NEDD4: variants seen among roughly 807,000 people sequenced by gnomAD.
The protein encoded by NEDD4 is NEDD4 E3 ubiquitin protein ligase, also known as E3 ubiquitin-protein ligase NEDD4.
In NEDD4, 99 loss-of-function variants were observed where a neutral mutation model predicts 144.9. That is an observed-to-expected ratio of 0.68 (90% CI 0.58 to 0.81). The LOEUF is 0.81. Among genes scored for constraint, NEDD4 ranks in the 30% least tolerant of loss-of-function variants. NEDD4 has a pLI of 0.00. For synonymous variants in NEDD4, 318 were observed against 350.6 expected (o/e 0.91, Z 1.04); for missense variants, 985 against 1,065.9 (o/e 0.92, Z 1.06).
chr15:55,830,071 T>C (rs2032873908), intron 28 of NEDD4, 72 bp from the exon 29 acceptor site: 1 of 1,027,944 alleles, frequency 9.7e-7, no homozygotes, highest in Non-Finnish European at 1.5e-6. Context: ...AACAGAGCAA[T>C]GCTGCTATTC....
At chr15:55,984,057 C>A (rs1318972332) in intron 1 of NEDD4, among the ~76,000 whole-genome samples, 1 of 152,060 alleles carries the variant, frequency 6.6e-6, no homozygotes, top group Non-Finnish European at 1.5e-5. Flanking sequence ...ATGCCCTGAC[C>A]CACGTGCCTG....
At chr15:55,986,622 C>T in intron 1 of NEDD4, among the ~76,000 whole-genome samples, 1 of 131,248 alleles carries the variant, frequency 7.6e-6, no homozygotes, top group Non-Finnish European at 1.5e-5. Flanking sequence ...CGGAGTCTCG[C>T]TCCGTCGCCG....
At chr15:55,971,391 G>C (rs537390768) in intron 1 of NEDD4, among the ~76,000 whole-genome samples, 116 of 152,292 alleles carry the variant, frequency 7.6e-4, no homozygotes, top group African/African-American at 2.7e-3. Flanking sequence ...TTGGGAGGCT[G>C]AGGCGAGTGG....
At chr15:55,943,787 C>T (rs1739076073) in intron 4 of NEDD4, among the ~76,000 whole-genome samples, 1 of 152,224 alleles carries the variant, frequency 6.6e-6, no homozygotes, top group African/African-American at 2.4e-5. Context: ...AAGTAGGCCA[C>T]TATCGTCCAG....
chr15:55,867,793 C>T (rs778763540), intron 8 of NEDD4, among the ~76,000 whole-genome samples: 17 of 152,206 alleles, frequency 1.1e-4, no homozygotes, highest in African/African-American at 2.2e-4. Context: ...CCGTGGCTCA[C>T]GCCTGTAGTC....
At chr15:55,941,865 G>A (rs1463452200) in intron 4 of NEDD4, among the ~76,000 whole-genome samples, 2 of 152,224 alleles carry the variant, frequency 1.3e-5, no homozygotes, top group East Asian at 1.9e-4. Context: ...GAGCCATTGC[G>A]CCCAGCCAAT....
At chr15:55,991,427 T>A (rs1219056030) in intron 1 of NEDD4, among the ~76,000 whole-genome samples, 1 of 152,220 alleles carries the variant, frequency 6.6e-6, no homozygotes, top group Non-Finnish European at 1.5e-5. Context: ...TTTCCCTCAG[T>A]CCGAGGCTGA....
At chr15:55,984,372 T>C (rs1379609647) in intron 1 of NEDD4, among the ~76,000 whole-genome samples, 1 of 152,176 alleles carries the variant, frequency 6.6e-6, no homozygotes, top group Non-Finnish European at 1.5e-5. Context: ...ATTCCTTATC[T>C]CTAAAATGGG....
chr15:55,912,758 G>A (rs1404543325), intron 5 of NEDD4, among the ~76,000 whole-genome samples: 1 of 152,042 alleles, frequency 6.6e-6, no homozygotes, highest in African/African-American at 2.4e-5. Context: ...TACACATACT[G>A]TTAAAATATC....
At chr15:55,916,744 G>A (rs1335943382) in intron 5 of NEDD4, 1 of 1,613,990 alleles carries the variant, frequency 6.2e-7, no homozygotes, top group South Asian at 1.1e-5. Context: ...ATGTGAACAT[G>A]GCTATCCAAG....
chr15:55,953,927 G>A (rs1055783957), intron 2 of NEDD4, among the ~76,000 whole-genome samples: 12 of 152,142 alleles, frequency 7.9e-5, no homozygotes, highest in African/African-American at 2.9e-4. Flanking sequence ...TCACCAAGTT[G>A]GCCAGGATGG....
Position 55,862,954 on chromosome 15 carries a change from G to A in NEDD4, c.633C>T (p.Asn211=). The stretch of plus-strand genomic sequence containing the variant: ...TCCACTGTGTTCTTCTAGATTCATG[G>A]TTTACATAATAGGTCCTTCCAAGGA... ...QDILGRTYYV[N]HESRRTQWKR... The change falls in exon 9 of 29, where the codon AAC becomes AAT. Residue 211 remains asparagine (N), a synonymous_variant. Coordinates refer to ENST00000435532, the MANE Select transcript of NEDD4 (RefSeq NM_006154.4). The A allele has an allele frequency of 6.2e-7, 1 of 1,609,896 alleles. No individual in the cohort carries two copies. The highest frequency in any genetic ancestry group is 1.1e-5 in the South Asian group (1 of 90,536).
At chr15:55,965,403 T>TAA (rs1283529284) in intron 2 of NEDD4, among the ~76,000 whole-genome samples, 1 of 152,064 alleles carries the variant, frequency 6.6e-6, no homozygotes, top group Non-Finnish European at 1.5e-5. Context: ...GGTTTCACCA[T>TAA]ATTGCCCAGG....
At chr15:55,846,882 A>G in intron 18 of NEDD4, 87 bp downstream of exon 18, 1 of 861,040 alleles carries the variant, frequency 1.2e-6, no homozygotes, top group East Asian at 2.7e-5. Context: ...ACAAATATAG[A>G]ACAAATTATT....
intron 11 of NEDD4, among the ~76,000 whole-genome samples, chr15:55,858,267 G>T (rs187268637): frequency 6.6e-6 from 1 of 151,836 alleles, no homozygotes; most frequent in East Asian, 2.0e-4. Flanking sequence ...GAAGGGGAAT[G>T]GGATCGTATG....
At chr15:55,934,441 A>G (rs1330398381) in intron 4 of NEDD4, among the ~76,000 whole-genome samples, 1 of 152,202 alleles carries the variant, frequency 6.6e-6, no homozygotes, top group African/African-American at 2.4e-5. Context: ...TTTTCTGTGC[A>G]TATATTTTAA....
chr15:55,886,219 A>G (rs1300607087), intron 5 of NEDD4, among the ~76,000 whole-genome samples: 9 of 152,216 alleles, frequency 5.9e-5, no homozygotes, highest in Non-Finnish European at 1.2e-4. Flanking sequence ...ATTAGCGATA[A>G]AGAGAGAGAC....
chr15:55,828,113 A>T lies in NEDD4; in HGVS notation c.*1784T>A, dbSNP rs2032777095. 6.6e-6 allele frequency: 1 copy of T among 152,210 alleles called. No individual in the cohort carries two copies. Among genetic ancestry groups the T allele is most frequent in the Admixed American group, 6.5e-5 (1 of 15,272 alleles). The allele number at this position is 152,210 out of a possible 1,614,324, so 9.4% of individuals were successfully genotyped here. A position where few individuals can be genotyped will look rare whatever the true frequency, so the allele number is the denominator to read the frequency against. On this transcript the variant is annotated 3_prime_UTR_variant, in exon 29 of 29. Coordinates refer to ENST00000435532, the MANE Select transcript of NEDD4 (RefSeq NM_006154.4). The stretch of plus-strand genomic sequence containing the variant: ...GTGAAGACAAAACGCAGGGTACATT[A>T]ATCTGTGAATTGCTTCCCCTAAACC...
At chr15:55,936,161 G>C (rs1393163996) in intron 4 of NEDD4, among the ~76,000 whole-genome samples, 1 of 152,106 alleles carries the variant, frequency 6.6e-6, no homozygotes, top group East Asian at 1.9e-4. Context: ...AAACCTCCTA[G>C]ACTAAGTGAT....
Sources: allele counts gnomAD v4.1 joint callset (sites outside exome capture counted in the v4.1 genomes callset), GRCh38; gene constraint gnomAD v4.1.1; transcripts MANE v1.5; gene names NCBI Gene and HGNC (gene_info 2026-07-23, HGNC 2026-07-21).